Variants in TMPRSS11F observed in about 807,000 individuals in gnomAD.
TMPRSS11F encodes the protein transmembrane protease serine 11F.
In TMPRSS11F, 47 loss-of-function variants were observed where a neutral mutation model predicts 60.2. That is an observed-to-expected ratio of 0.78 (90% confidence interval 0.62 to 1.00). The LOEUF is 1.00. TMPRSS11F is among the 50% of genes least tolerant of loss of function. The pLI, the probability that TMPRSS11F is intolerant of heterozygous loss-of-function variation, is 0.00. For synonymous variants in TMPRSS11F, 166 were observed against 167.3 expected (o/e 0.99, Z 0.06); for missense variants, 519 against 522.9 (o/e 0.99, Z 0.07).
chr4:68,058,972 G>A (rs1723099852), intron 9 of TMPRSS11F, among the ~76,000 whole-genome samples: 1 of 152,178 alleles, frequency 6.6e-6, no homozygotes, highest in Non-Finnish European at 1.5e-5. Context: ...ACAGGTCAGT[G>A]TTGCTAATGC....
intron 1 of TMPRSS11F, among the ~76,000 whole-genome samples, chr4:68,099,673 G>A (rs1013433697): frequency 2.6e-5 from 4 of 152,066 alleles, no homozygotes; most frequent in Non-Finnish European, 5.9e-5. Context: ...TATCTTTCAA[G>A]TGAAATTTTT....
At position 68,062,253 on chromosome 4, in the gene TMPRSS11F, A is replaced by G. The variant is rs1176307627; in HGVS notation, c.1015+2432T>C. 7.7e-5 allele frequency: 32 copies of G among 416,524 alleles called. 2 individuals are homozygous for G. Among genetic ancestry groups the G allele is most frequent in the South Asian group, 5.3e-4 (30 of 56,342 alleles). 25.8% of individuals were successfully genotyped at this position (416,524 alleles called of 1,614,324 possible). On this transcript the variant is annotated intron_variant, in intron 8 of 9. Coordinates refer to ENST00000356291, the MANE Select transcript of TMPRSS11F (RefSeq NM_207407.2). ...TCATAAAATTACCGGCTCTTTTGCT[A>G]AATTAAAATTAACTTCAAATCAAAA... is the stretch of plus-strand genomic sequence containing the variant.
At chr4:68,126,676 T>C (rs1724719006) in intron 1 of TMPRSS11F, among the ~76,000 whole-genome samples, 2 of 152,216 alleles carry the variant, frequency 1.3e-5, no homozygotes, top group African/African-American at 4.8e-5. Context: ...TGACAGGCAA[T>C]GTGTTTGGCA....
chr4:68,097,600 A>G (rs1354722385), intron 2 of TMPRSS11F, among the ~76,000 whole-genome samples: 3 of 152,126 alleles, frequency 2.0e-5, no homozygotes, highest in African/African-American at 7.2e-5. Context: ...AACAATTAGG[A>G]CATGGACATC....
chr4:68,082,486 T>G (rs1723717260), intron 3 of TMPRSS11F, among the ~76,000 whole-genome samples: 1 of 152,112 alleles, frequency 6.6e-6, no homozygotes, highest in African/African-American at 2.4e-5. Flanking sequence ...GAGACTAAGG[T>G]GTGTCTCTTC....
At chr4:68,069,296 T>G (rs982631365) in intron 6 of TMPRSS11F, among the ~76,000 whole-genome samples, 1 of 152,206 alleles carries the variant, frequency 6.6e-6, no homozygotes, top group African/African-American at 2.4e-5. Context: ...AGGTCATGAT[T>G]TTCCCTTAAC....
Position 68,070,025 on chromosome 4 carries a change from T to C in TMPRSS11F, c.515-18A>G, listed in dbSNP as rs778066549. The C allele has an allele frequency of 6.2e-7, 1 of 1,601,784 alleles. No homozygotes were observed. Among genetic ancestry groups the C allele is most frequent in the Non-Finnish European group, 8.5e-7 (1 of 1,173,280 alleles). On this transcript the variant is annotated intron_variant, in intron 5 of 9. Transcript: ENST00000356291. ...GTCAATAGCTGGAATAAGCAAAACA[T>C]GAATTAGTTGGCAGAAGAATATATT...
chr4:68,120,780 C>T (rs1422047294), intron 1 of TMPRSS11F, among the ~76,000 whole-genome samples: 1 of 152,092 alleles, frequency 6.6e-6, no homozygotes, highest in Non-Finnish European at 1.5e-5. Context: ...CAGCAATCAC[C>T]ACCATGATCA....
At chr4:68,081,370 A>G (rs1221117018) in intron 3 of TMPRSS11F, among the ~76,000 whole-genome samples, 3 of 152,232 alleles carry the variant, frequency 2.0e-5, no homozygotes, top group Non-Finnish European at 4.4e-5. Context: ...AAGTCAATGT[A>G]TCATAGAACA....
chr4:68,120,329 GCT>G (rs1724599340), intron 1 of TMPRSS11F, among the ~76,000 whole-genome samples: 6 of 151,380 alleles, frequency 4.0e-5, no homozygotes, highest in Admixed American at 3.9e-4. Flanking sequence ...AAAAAGTTCT[GCT>G]CTGAGTAAAA....
In TMPRSS11F at chr4:68,068,886, T is replaced by C. The variant is rs919821738; in HGVS notation, c.554-67A>G. 1.4e-5 allele frequency: 21 copies of C among 1,535,602 alleles called. No homozygotes were observed. In the African/African-American group the frequency reaches 2.9e-4, roughly 21 times the overall value. On this transcript the variant is annotated intron_variant, in intron 6 of 9. Transcript: ENST00000356291. Reference sequence around the variant, plus strand: ...GGAAAAAAGTATATTCTGATTTGCTTTGGTTATAGACAATCCTTTGTCCCT... The same window carrying C: ...GGAAAAAAGTATATTCTGATTTGCTCTGGTTATAGACAATCCTTTGTCCCT...
chr4:68,097,841 T>C (rs1724103438), intron 2 of TMPRSS11F, among the ~76,000 whole-genome samples: 1 of 152,178 alleles, frequency 6.6e-6, no homozygotes, highest in South Asian at 2.1e-4. Context: ...GCTTTCATTT[T>C]ATGAGAGTCT....
intron 3 of TMPRSS11F, among the ~76,000 whole-genome samples, chr4:68,087,640 G>A (rs1723840404): frequency 1.3e-5 from 2 of 151,942 alleles, no homozygotes; most frequent in Non-Finnish European, 2.9e-5. Flanking sequence ...TCCCAGAATC[G>A]ATAAACTTCA....
rs1560396495 is a variant in TMPRSS11F, at chr4:68,072,219, T to TA, written c.514+103_514+104insT. On this transcript the variant is annotated intron_variant, in intron 5 of 9. Transcript: ENST00000356291. Reference sequence around the variant, plus strand: ...AGATTTTATATATATATATATATCTTCCAAAAAAAAAATATATATATATAT... The same window carrying TA: ...AGATTTTATATATATATATATATCTTACCAAAAAAAAAATATATATATATAT... 7.5e-3 allele frequency: 203 copies of TA among 26,966 alleles called. 7 individuals carry two copies. The highest frequency in any genetic ancestry group is 0.024 in the African/African-American group (198 of 8,180). 1.7% of individuals were successfully genotyped at this position (26,966 alleles called of 1,614,324 possible).
chr4:68,126,836 G>A (rs1163900940), intron 1 of TMPRSS11F, among the ~76,000 whole-genome samples: 2 of 152,216 alleles, frequency 1.3e-5, no homozygotes, highest in African/African-American at 2.4e-5. Context: ...ATTAAGATGT[G>A]AAGGTAGGAG....
chr4:68,088,268 A>G (rs1209596627), intron 3 of TMPRSS11F, among the ~76,000 whole-genome samples: 1 of 151,674 alleles, frequency 6.6e-6, no homozygotes, highest in African/African-American at 2.4e-5. Context: ...ACAGACTTTA[A>G]ACCAACAAAG....
intron 6 of TMPRSS11F, 48 bp downstream of exon 6, chr4:68,069,921 G>C: frequency 6.9e-7 from 1 of 1,451,644 alleles, no homozygotes; most frequent in Non-Finnish European, 9.2e-7. Context: ...CTTTTTTCAT[G>C]ATCTTTTACT....
chr4:68,060,599 TC>T (rs1442399127), intron 8 of TMPRSS11F, among the ~76,000 whole-genome samples: 2 of 146,812 alleles, frequency 1.4e-5, no homozygotes, highest in African/African-American at 5.1e-5. Flanking sequence ...TAAGTATCTC[TC>T]TTTTTTTTTT....
chr4:68,118,189 A>G (rs1214262414), intron 1 of TMPRSS11F, among the ~76,000 whole-genome samples: 1 of 152,194 alleles, frequency 6.6e-6, no homozygotes, highest in Non-Finnish European at 1.5e-5. Flanking sequence ...TATTACTATT[A>G]TATTAAATAA....
Sources: allele counts gnomAD v4.1 joint callset (sites outside exome capture counted in the v4.1 genomes callset), GRCh38; gene constraint gnomAD v4.1.1; transcripts MANE v1.5; gene names NCBI Gene and HGNC (gene_info 2026-07-23, HGNC 2026-07-21).